KIAA0825: variants seen among roughly 807,000 people sequenced by gnomAD.
KIAA0825 encodes the protein KIAA0825.
Under a neutral mutation model 147.6 loss-of-function variants are expected in KIAA0825, and 119 were observed. The observed-to-expected ratio is 0.81, with a 90% CI of 0.69 to 0.94. KIAA0825 has a LOEUF of 0.94. KIAA0825 is among the 40% of genes least tolerant of loss of function. The probability of loss-of-function intolerance (pLI) is 0.00; values close to 1 mark genes in which losing one functional copy is unlikely to be tolerated. For synonymous variants in KIAA0825, 470 were observed against 518.1 expected, an observed-to-expected ratio of 0.91 and a Z score of 1.26; for missense variants, 1,381 against 1,472.7, an observed-to-expected ratio of 0.94 and a Z score of 1.02.
intron 20 of KIAA0825, among the ~76,000 whole-genome samples, chr5:94,312,523 G>A (rs1034262227): frequency 2.6e-5 from 4 of 151,708 alleles, no homozygotes; most frequent in South Asian, 4.1e-4. Flanking sequence ...TTCTAAAGAT[G>A]ATCCACAGAA....
At chr5:94,547,884 CA>C (rs1184373818) in intron 2 of KIAA0825, among the ~76,000 whole-genome samples, 2 of 148,712 alleles carry the variant, frequency 1.3e-5, no homozygotes, top group East Asian at 3.9e-4. Context: ...AAAAAAAAAA[CA>C]AAAAAACCTT....
intron 14 of KIAA0825, among the ~76,000 whole-genome samples, chr5:94,430,039 C>G (rs1248654357): frequency 6.6e-6 from 1 of 152,040 alleles, no homozygotes; most frequent in Non-Finnish European, 1.5e-5. Flanking sequence ...GCAGAGAGGA[C>G]CCCCTGCAGC....
chr5:94,225,871 G>A (rs1774115846), intron 20 of KIAA0825, among the ~76,000 whole-genome samples: 1 of 152,162 alleles, frequency 6.6e-6, no homozygotes, highest in Non-Finnish European at 1.5e-5. Flanking sequence ...ACTCAAGATG[G>A]ATTAAAGACT....
intron 20 of KIAA0825, among the ~76,000 whole-genome samples, chr5:94,154,700 A>G (rs191792366): frequency 8.7e-4 from 133 of 152,328 alleles, no homozygotes; most frequent in African/African-American, 3.1e-3. Context: ...AAAAAAAGAG[A>G]TTAAAGACTT....
chr5:94,525,352 G>C (rs1004132626), intron 3 of KIAA0825, among the ~76,000 whole-genome samples: 5 of 151,848 alleles, frequency 3.3e-5, no homozygotes, highest in African/African-American at 1.2e-4. Flanking sequence ...AAAAGTTTAA[G>C]TAAAAGTTTT....
At chr5:94,382,098 A>G (rs576036851) in intron 20 of KIAA0825, among the ~76,000 whole-genome samples, 1 of 152,364 alleles carries the variant, frequency 6.6e-6, no homozygotes, top group East Asian at 1.9e-4. Context: ...AGGAGCAAAA[A>G]GAGAAAAAGT....
chr5:94,406,914 A>G (rs1752141084), intron 15 of KIAA0825, among the ~76,000 whole-genome samples: 1 of 152,156 alleles, frequency 6.6e-6, no homozygotes, highest in Non-Finnish European at 1.5e-5. Context: ...CACTGTTCAC[A>G]ATGCATATCC....
At position 94,564,214 on chromosome 5, in the gene KIAA0825, G is replaced by GTTT. The variant is rs545943328; in HGVS notation, c.-2+18216_-2+18218dup. ...AGCTCTTTTTCTTTCTATTCCCCTT[G>GTTT]TTTTTTTTTTTTTTTTTTTGCAGAC... On this transcript the variant is annotated intron_variant, in intron 2 of 20. Transcript: ENST00000682413. Among the ~76,000 whole-genome samples, 66 of 105,192 alleles carry GTTT rather than the reference G, an allele frequency of 6.3e-4. 2 individuals carry two copies. The highest frequency in any genetic ancestry group is 1.2e-3 in the African/African-American group (34 of 27,850). 69.0% of individuals were successfully genotyped at this position (105,192 alleles called of 152,430 possible). A position where few individuals can be genotyped will look rare whatever the true frequency, so the allele number is the denominator to read the frequency against.
At chr5:94,600,238 G>A (rs139658139) in intron 1 of KIAA0825, among the ~76,000 whole-genome samples, 1,830 of 152,244 alleles carry the variant, frequency 0.012, 34 homozygotes, top group African/African-American at 0.042. Context: ...AGTGATGGGA[G>A]AATGTGGAGA....
intron 14 of KIAA0825, among the ~76,000 whole-genome samples, chr5:94,424,848 A>G (rs531890635): frequency 6.6e-6 from 1 of 152,342 alleles, no homozygotes; most frequent in African/African-American, 2.4e-5. Flanking sequence ...ATCATCAGAG[A>G]TTATTATGAA....
At chr5:94,456,306 T>C (rs962193083) in intron 12 of KIAA0825, among the ~76,000 whole-genome samples, 2 of 152,218 alleles carry the variant, frequency 1.3e-5, no homozygotes, top group African/African-American at 4.8e-5. Context: ...GACTTCTCTG[T>C]CATGTTCAAG....
chr5:94,160,381 G>A (rs1443003488), intron 20 of KIAA0825, among the ~76,000 whole-genome samples: 3 of 149,608 alleles, frequency 2.0e-5, no homozygotes, highest in Non-Finnish European at 4.4e-5. Context: ...ATTCATATAT[G>A]TACATATATG....
chr5:94,616,657 A>G lies in KIAA0825; in HGVS notation c.-153+1843T>C, dbSNP rs540400034. Among the ~76,000 whole-genome samples the G allele has an allele frequency of 1.1e-4, 17 of 152,298 alleles. No homozygotes were observed. In the South Asian group the frequency reaches 3.5e-3, roughly 32 times the overall value. On this transcript the variant is annotated intron_variant, in intron 1 of 20. Coordinates refer to ENST00000682413, the MANE Select transcript of KIAA0825 (RefSeq NM_001145678.3). ...CAATATGCTTGCTGATGGTCTCCAGATCTTCTGCATTTGCCCCAAGTGTTA... is the reference window on the plus strand; with the variant it reads ...CAATATGCTTGCTGATGGTCTCCAGGTCTTCTGCATTTGCCCCAAGTGTTA...
At chr5:94,402,189 A>C (rs1751469123) in intron 16 of KIAA0825, among the ~76,000 whole-genome samples, 1 of 152,172 alleles carries the variant, frequency 6.6e-6, no homozygotes, top group Non-Finnish European at 1.5e-5. Flanking sequence ...ACTGGTATCT[A>C]TAAGTAAGCA....
intron 20 of KIAA0825, among the ~76,000 whole-genome samples, chr5:94,373,628 G>T (rs998318261): frequency 6.6e-6 from 1 of 152,076 alleles, no homozygotes; most frequent in African/African-American, 2.4e-5. Context: ...TCACTATCAT[G>T]AGAATAGCAT....
At chr5:94,313,816 G>C (rs965844066) in intron 20 of KIAA0825, among the ~76,000 whole-genome samples, 2 of 151,510 alleles carry the variant, frequency 1.3e-5, no homozygotes, top group East Asian at 3.9e-4. Context: ...TTTTCATACA[G>C]CCTAGCTGGA....
chr5:94,272,487 C>T (rs935870485), intron 20 of KIAA0825, among the ~76,000 whole-genome samples: 10 of 151,936 alleles, frequency 6.6e-5, no homozygotes, highest in African/African-American at 1.9e-4. Context: ...TATGTACCCA[C>T]AAAAATTAAA....
At chr5:94,336,195 C>A (rs1257676820) in intron 20 of KIAA0825, among the ~76,000 whole-genome samples, 2 of 151,888 alleles carry the variant, frequency 1.3e-5, no homozygotes, top group African/African-American at 4.8e-5. Flanking sequence ...CATGGTGAAA[C>A]CCTGTCTCTA....
At chr5:94,589,775 C>T (rs1784007479) in intron 1 of KIAA0825, among the ~76,000 whole-genome samples, 1 of 150,960 alleles carries the variant, frequency 6.6e-6, no homozygotes, top group African/African-American at 2.4e-5. Context: ...AGTAGTTTTA[C>T]ATCATGCACA....
Sources: gnomAD v4.1 joint callset for allele counts (sites outside exome capture counted in the v4.1 genomes callset) on GRCh38, gnomAD v4.1.1 for gene constraint, MANE v1.5 for transcripts, NCBI Gene and HGNC (gene_info 2026-07-23, HGNC 2026-07-21) for gene names.